Variants in ATP2B4 observed in about 807,000 individuals in gnomAD.
ATP2B4 encodes plasma membrane calcium-transporting ATPase 4.
A neutral mutation model predicts 110.3 loss-of-function variants in ATP2B4; 39 were observed. That is an observed-to-expected ratio of 0.35 (90% CI 0.27 to 0.46). The LOEUF (loss-of-function observed/expected upper bound fraction) is 0.46, where lower values mean the gene tolerates loss of function less well. ATP2B4 is among the 20% of genes least tolerant of loss of function. ATP2B4 has a pLI of 1.00. For synonymous variants in ATP2B4, 538 were observed against 571.7 expected, an observed-to-expected ratio of 0.94 and a Z score of 0.84; for missense variants, 1,135 against 1,530.9, an observed-to-expected ratio of 0.74 and a Z score of 4.32.
In ATP2B4 at chr1:203,740,295, T is replaced by C. The variant is rs1666972028; in HGVS notation, c.*441T>C. 1 of 165,836 alleles carries C rather than the reference T, an allele frequency of 6.0e-6. No homozygotes were observed. The allele number at this position is 165,836 out of a possible 1,614,324, so 10.3% of individuals were successfully genotyped here. ...GAAATATGTTGCGGTAGAGATGGAA[T>C]GTATAAAATCCGCCAGTAGTGTGAT... On this transcript the variant is annotated 3_prime_UTR_variant, in exon 21 of 21. Transcript: ENST00000357681.
intron 2 of ATP2B4, among the ~76,000 whole-genome samples, chr1:203,696,113 G>A (rs1008929107): frequency 6.6e-6 from 1 of 152,026 alleles, no homozygotes; most frequent in Non-Finnish European, 1.5e-5. Context: ...TTTTAGTAGA[G>A]ATGAGGTTTC....
chr1:203,703,540 GT>G, intron 7 of ATP2B4, 111 bp from the exon 8 acceptor site: 1 of 1,283,268 alleles, frequency 7.8e-7, no homozygotes, highest in Non-Finnish European at 1.1e-6. Flanking sequence ...TGATGTCAGG[GT>G]CCAAGGTATA....
intron 15 of ATP2B4, among the ~76,000 whole-genome samples, chr1:203,718,378 A>T (rs1164292016): frequency 1.3e-5 from 2 of 152,108 alleles, no homozygotes; most frequent in African/African-American, 4.8e-5. Context: ...GGCTCACTGC[A>T]ACCTCTGCCT....
At position 203,711,973 on chromosome 1, in the gene ATP2B4, T is replaced by C. The variant is rs1666021628; in HGVS notation, c.2045T>C (p.Ile682Thr). ...CACTCTCCATAGGTGCCAGATGCTA[T>C]TGCCAAATGCAAACAAGCTGGCATT... Reference protein sequence around the residue: ...DPVRPEVPDAIAKCKQAGITV... With the variant: ...DPVRPEVPDATAKCKQAGITV... Residue 682 changes from isoleucine to threonine, a missense_variant, in exon 13 of 21, where the codon ATT becomes ACT. By Grantham distance (89) the Ile-to-Thr change is moderately conservative. This residue lies in a region of ATP2B4 where 368 missense variants were observed against 455.9 expected (regional missense o/e 0.81). Transcript: ENST00000357681. 1.2e-6 allele frequency: 2 copies of C among 1,614,030 alleles called. No individual in the cohort carries two copies. The highest frequency in any genetic ancestry group is 1.3e-5 in the African/African-American group (1 of 74,934).
chr1:203,698,006 C>T, intron 2 of ATP2B4, 151 bp from the exon 3 acceptor site: 2 of 690,790 alleles, frequency 2.9e-6, no homozygotes, highest in Non-Finnish European at 4.9e-6. Context: ...TGCCTGGCCT[C>T]TTTATTTTAT....
At chr1:203,664,855 A>G (rs986558718) in intron 1 of ATP2B4, among the ~76,000 whole-genome samples, 10 of 152,086 alleles carry the variant, frequency 6.6e-5, no homozygotes, top group Non-Finnish European at 1.5e-4. Flanking sequence ...TTTTTGAGAC[A>G]GAGTCTCGCT....
intron 1 of ATP2B4, among the ~76,000 whole-genome samples, chr1:203,647,237 T>A (rs539224670): frequency 6.6e-6 from 1 of 152,080 alleles, no homozygotes; most frequent in African/African-American, 2.4e-5. Flanking sequence ...AAGACCAGTC[T>A]GGGCAACTTA....
intron 14 of ATP2B4, 49 bp downstream of exon 14, chr1:203,713,301 G>T: frequency 6.2e-7 from 1 of 1,606,152 alleles, no homozygotes; most frequent in Non-Finnish European, 8.5e-7. Flanking sequence ...AGGCAGGCCA[G>T]GGCGAGGACA....
chr1:203,723,736 C>G (rs1308646907), intron 18 of ATP2B4, 145 bp from the exon 19 acceptor site: 5 of 604,360 alleles, frequency 8.3e-6, no homozygotes, highest in Non-Finnish European at 1.4e-5. Context: ...GAGATTTCTT[C>G]TTTTCCCTTC....
At chr1:203,663,498 A>G (rs929979795) in intron 1 of ATP2B4, among the ~76,000 whole-genome samples, 3 of 152,174 alleles carry the variant, frequency 2.0e-5, no homozygotes, top group Non-Finnish European at 4.4e-5. Context: ...GAGAGGAAGT[A>G]GGAGAACCTA....
chr1:203,692,728 G>A (rs1035079300), intron 2 of ATP2B4, among the ~76,000 whole-genome samples: 13 of 152,180 alleles, frequency 8.5e-5, no homozygotes, highest in Admixed American at 6.5e-4. Flanking sequence ...TGCCGATGTC[G>A]TTGGCCCTTC....
At chr1:203,703,546 G>C in intron 7 of ATP2B4, 106 bp from the exon 8 acceptor site, 1 of 1,331,932 alleles carries the variant, frequency 7.5e-7, no homozygotes, top group Non-Finnish European at 1.0e-6. Flanking sequence ...CAGGGTCCAA[G>C]GTATATTCCG....
Position 203,698,281 on chromosome 1 carries a change from T to C in ATP2B4, c.318T>C (p.Leu106=), listed in dbSNP as rs2228445. The C allele has an allele frequency of 0.89, 1,433,486 of 1,613,900 alleles. 638,703 individuals are homozygous for C. Among genetic ancestry groups the C allele is most frequent in the East Asian group, 1 (44,854 of 44,868 alleles). Residue 106 remains leucine, a synonymous_variant, in exon 3 of 21, where the codon CTT becomes CTC. Coordinates refer to ENST00000357681, the MANE Select transcript of ATP2B4 (RefSeq NM_001684.5). ...LVWEALQDVT[L]IILEIAAIIS... is the part of the protein sequence containing the mutation. ...GGGAAGCTCTTCAAGATGTCACGCT[T>C]ATCATCCTGGAGATTGCAGCCATCA...
chr1:203,643,331 G>GGTCTT (rs1663688613), intron 1 of ATP2B4, among the ~76,000 whole-genome samples: 3 of 152,152 alleles, frequency 2.0e-5, no homozygotes, highest in Non-Finnish European at 4.4e-5. Flanking sequence ...GTTGATGGAG[G>GGTCTT]GAGTCAGACT....
chr1:203,703,165 G>A (rs200157069), intron 7 of ATP2B4, among the ~76,000 whole-genome samples: 1 of 38,056 alleles, frequency 2.6e-5, no homozygotes, highest in African/African-American at 2.4e-4. Context: ...CCTGACAATC[G>A]AGAGAGAGAG....
chr1:203,708,306 G>C (rs907555895), intron 10 of ATP2B4, among the ~76,000 whole-genome samples: 7 of 152,130 alleles, frequency 4.6e-5, no homozygotes, highest in African/African-American at 1.7e-4. Context: ...GGGCCTGTAA[G>C]AATCTATGGC....
At chr1:203,665,540 G>A (rs993283655) in intron 1 of ATP2B4, among the ~76,000 whole-genome samples, 1 of 152,060 alleles carries the variant, frequency 6.6e-6, no homozygotes, top group Non-Finnish European at 1.5e-5. Context: ...GGTGGCTCAC[G>A]CCTGTAATCC....
In ATP2B4 at chr1:203,703,822, G is replaced by C; in HGVS notation, c.1099+9G>C. The C allele has an allele frequency of 6.2e-7, 1 of 1,612,614 alleles. No homozygotes were observed. The stretch of plus-strand genomic sequence containing the variant: ...TCAGATTGGGAAAGCCGGTGAGTAG[G>C]GTAGAGCCTCGTTGTGGTTTATCAA... On this transcript the variant is annotated intron_variant, in intron 8 of 20. Transcript: ENST00000357681.
At chr1:203,713,895 C>G (rs1463715891) in intron 14 of ATP2B4, among the ~76,000 whole-genome samples, 1 of 152,130 alleles carries the variant, frequency 6.6e-6, no homozygotes, top group Non-Finnish European at 1.5e-5. Flanking sequence ...ACCCAAATTA[C>G]CCAGCTGGTA....
Sources: allele counts gnomAD v4.1 joint callset (sites outside exome capture counted in the v4.1 genomes callset), GRCh38; gene constraint gnomAD v4.1.1; regional missense constraint gnomAD v4.1.1; transcripts MANE v1.5; gene names NCBI Gene and HGNC (gene_info 2026-07-23, HGNC 2026-07-21).